The following KIF5C variants were observed in gnomAD, a reference collection of about 807,000 sequenced individuals.
KIF5C encodes kinesin family member 5C.
A neutral mutation model predicts 125.2 loss-of-function variants in KIF5C; 18 were observed. The ratio of observed to expected loss-of-function variants is 0.14; its 90% CI spans 0.10 to 0.21. The LOEUF (loss-of-function observed/expected upper bound fraction) is 0.21. KIF5C is among the 10% of genes least tolerant of loss of function. The probability of loss-of-function intolerance (pLI) is 1.00; values close to 1 mark genes in which losing one functional copy is unlikely to be tolerated. For missense variants in KIF5C, 780 were observed against 1,183.8 expected (o/e 0.66, Z 5.01); for synonymous variants, 405 against 434.0 (o/e 0.93, Z 0.83).
intron 25 of KIF5C, 64 bp downstream of exon 25, chr2:149,011,747 C>A (rs574515970): frequency 6.2e-7 from 1 of 1,601,896 alleles, no homozygotes; most frequent in Non-Finnish European, 8.5e-7. Flanking sequence ...TTTCCAAAGC[C>A]CCTGCCTGGC....
chr2:148,992,559 C>T (rs1398519332), intron 16 of KIF5C, among the ~76,000 whole-genome samples: 6 of 152,118 alleles, frequency 3.9e-5, no homozygotes, highest in Non-Finnish European at 5.9e-5. Flanking sequence ...GATAAAGTTA[C>T]ATGGAATAAT....
chr2:148,934,816 GC>G (rs1172550036), intron 3 of KIF5C, among the ~76,000 whole-genome samples: 1 of 151,052 alleles, frequency 6.6e-6, no homozygotes, highest in Admixed American at 6.6e-5. Flanking sequence ...CGCAGACGTA[GC>G]CCTCACACCC....
intron 3 of KIF5C, among the ~76,000 whole-genome samples, chr2:148,930,156 G>A (rs908310953): frequency 2.0e-5 from 3 of 152,186 alleles, no homozygotes; most frequent in Non-Finnish European, 2.9e-5. Context: ...CTGGGGTGAA[G>A]ACGAACTTAT....
At position 148,877,221 on chromosome 2, in the gene KIF5C, T is replaced by A. The variant is rs573361898; in HGVS notation, c.126+1478T>A. The A allele has an allele frequency of 2.6e-5, 4 of 152,476 alleles. No homozygotes were observed. The South Asian group carries it at 8.3e-4, about 32-fold the overall frequency. 9.4% of individuals were successfully genotyped at this position (152,476 alleles called of 1,614,324 possible). A position where few individuals can be genotyped will look rare whatever the true frequency, so the allele number is the denominator to read the frequency against. On this transcript the variant is annotated intron_variant, in intron 1 of 25. Coordinates refer to ENST00000435030, the MANE Select transcript of KIF5C (RefSeq NM_004522.3). ...AGGCTCTGGCCTCAGGGCTTTAACC[T>A]GTACCTGGCTTTAAAAGGCTGCTCC...
At chr2:148,937,557 G>A (rs981604153) in intron 4 of KIF5C, among the ~76,000 whole-genome samples, 169 bp downstream of exon 4, 1 of 152,202 alleles carries the variant, frequency 6.6e-6, no homozygotes, top group Non-Finnish European at 1.5e-5. Context: ...TGTCTGGAGG[G>A]TTTGCTTGAA....
At chr2:148,883,593 C>T (rs1037260551) in intron 1 of KIF5C, 1 of 152,076 alleles carries the variant, frequency 6.6e-6, no homozygotes, top group Non-Finnish European at 1.5e-5. Flanking sequence ...TCTTACAACA[C>T]ACTTTGTTTT....
At chr2:148,956,155 G>A (rs188384543) in intron 10 of KIF5C, among the ~76,000 whole-genome samples, 2 of 152,296 alleles carry the variant, frequency 1.3e-5, no homozygotes, top group East Asian at 3.9e-4. Flanking sequence ...GCCAACTTAC[G>A]AGGGTGCCTT....
intron 16 of KIF5C, 150 bp from the exon 17 acceptor site, chr2:148,994,271 G>A (rs2105176885): frequency 9.1e-7 from 1 of 1,100,958 alleles, no homozygotes; most frequent in Non-Finnish European, 1.3e-6. Context: ...TGAACACCAA[G>A]GCAAGGGTAA....
intron 1 of KIF5C, among the ~76,000 whole-genome samples, chr2:148,903,816 G>A (rs1407081386): frequency 6.6e-6 from 1 of 152,178 alleles, no homozygotes; most frequent in Non-Finnish European, 1.5e-5. Flanking sequence ...AACCAGTGAA[G>A]TGCCTTGAGC....
At chr2:148,975,797 C>T (rs191716580) in intron 12 of KIF5C, among the ~76,000 whole-genome samples, 18 of 152,260 alleles carry the variant, frequency 1.2e-4, no homozygotes, top group African/African-American at 4.1e-4. Flanking sequence ...CCTGGGCTGG[C>T]GCCTGGCCCT....
At chr2:148,969,118 T>TA (rs1166110137) in intron 11 of KIF5C, among the ~76,000 whole-genome samples, 1 of 152,216 alleles carries the variant, frequency 6.6e-6, no homozygotes, top group Non-Finnish European at 1.5e-5. Context: ...ACTGGCAGTC[T>TA]AATGGTTTTC....
chr2:148,898,439 C>T (rs1472248832), intron 1 of KIF5C, among the ~76,000 whole-genome samples: 2 of 152,200 alleles, frequency 1.3e-5, no homozygotes, highest in East Asian at 3.8e-4. Flanking sequence ...TGTTATGTTG[C>T]ATGACCAGTG....
rs141874657 is a variant in KIF5C at position 148,925,190 on chromosome 2, G to C, written c.217+2963G>C. On this transcript the variant is annotated intron_variant, in intron 2 of 25. Transcript: ENST00000435030. ...TGTACAAGCAGAGGGGATTTCAAAA[G>C]TAAAAGCATAAACACACAAATTCTG... Among the ~76,000 whole-genome samples, 330 of 152,284 alleles carry C rather than the reference G, an allele frequency of 2.2e-3. 5 individuals carry two copies. The highest frequency in any genetic ancestry group is 7.2e-3 in the African/African-American group (298 of 41,562).
At chr2:148,970,810 C>T (rs1178907292) in intron 11 of KIF5C, among the ~76,000 whole-genome samples, 2 of 152,234 alleles carry the variant, frequency 1.3e-5, no homozygotes, top group Non-Finnish European at 2.9e-5. Flanking sequence ...CACTGGGCAG[C>T]TCCTTAGCTT....
chr2:148,888,536 G>A (rs150188766), intron 1 of KIF5C: 15 of 152,050 alleles, frequency 9.9e-5, no homozygotes, highest in African/African-American at 3.6e-4. Flanking sequence ...AGGTCGCCTT[G>A]CAGGTGAAGG....
At chr2:148,941,466 T>C (rs1451992380) in intron 4 of KIF5C, 144 bp from the exon 5 acceptor site, 1 of 1,129,106 alleles carries the variant, frequency 8.9e-7, no homozygotes, top group African/African-American at 1.6e-5. Context: ...CCAGTAGAGC[T>C]GGCCAGATTT....
intron 17 of KIF5C, among the ~76,000 whole-genome samples, chr2:148,996,137 A>G (rs953581902): frequency 1.3e-5 from 2 of 152,220 alleles, no homozygotes; most frequent in Non-Finnish European, 2.9e-5. Flanking sequence ...CCTGGGCGAC[A>G]GAACAAGACT....
At chr2:148,976,328 G>A (rs1291378322) in intron 12 of KIF5C, among the ~76,000 whole-genome samples, 1 of 151,506 alleles carries the variant, frequency 6.6e-6, no homozygotes, top group African/African-American at 2.4e-5. Context: ...GGAGTCCAGT[G>A]GTGCGACCTC....
intron 11 of KIF5C, 28 bp downstream of exon 11, chr2:148,962,147 G>C (rs1682942202): frequency 1.3e-6 from 2 of 1,564,202 alleles, no homozygotes; most frequent in Non-Finnish European, 1.7e-6. Flanking sequence ...GGAAGAGTGA[G>C]GCATGAGTGT....
Sources: gnomAD v4.1 joint callset for allele counts (sites outside exome capture counted in the v4.1 genomes callset) on GRCh38, gnomAD v4.1.1 for gene constraint, MANE v1.5 for transcripts, NCBI Gene and HGNC (gene_info 2026-07-23, HGNC 2026-07-21) for gene names.